The following STT3B variants were observed in gnomAD, a reference collection of about 807,000 sequenced individuals.
STT3B encodes the protein STT3 oligosaccharyltransferase complex catalytic subunit B, also known as dolichyl-diphosphooligosaccharide--protein glycosyltransferase subunit STT3B.
In STT3B, 29 loss-of-function variants were observed where a neutral mutation model predicts 96.8. The ratio of observed to expected loss-of-function variants is 0.30; its 90% CI spans 0.22 to 0.41. The LOEUF (loss-of-function observed/expected upper bound fraction) is 0.41, where lower values mean the gene tolerates loss of function less well. STT3B is among the 10% of genes least tolerant of loss of function. STT3B has a pLI of 1.00. For synonymous variants in STT3B, 367 were observed against 360.0 expected (o/e 1.02, Z -0.22); for missense variants, 640 against 1,022.3 (o/e 0.63, Z 5.10).
intron 15 of STT3B, among the ~76,000 whole-genome samples, chr3:31,633,474 C>A (rs114138564): frequency 4.9e-4 from 74 of 152,228 alleles, no homozygotes; most frequent in Middle Eastern, 3.4e-3. Flanking sequence ...AAATTCTCAT[C>A]TTTTGAGCAG....
chr3:31,620,710 T>C (rs542419037), intron 9 of STT3B, among the ~76,000 whole-genome samples: 22 of 152,374 alleles, frequency 1.4e-4, no homozygotes, highest in African/African-American at 5.3e-4. Context: ...TATGCTGTGG[T>C]TGTTTTGTAT....
chr3:31,611,767 G>A (rs1479493140), intron 5 of STT3B, among the ~76,000 whole-genome samples: 1 of 152,102 alleles, frequency 6.6e-6, no homozygotes, highest in African/African-American at 2.4e-5. Flanking sequence ...AAAGTGCTAG[G>A]ATTACAGGTG....
intron 13 of STT3B, among the ~76,000 whole-genome samples, chr3:31,628,683 G>A (rs769763752): frequency 1.3e-5 from 2 of 152,060 alleles, no homozygotes; most frequent in Non-Finnish European, 2.9e-5. Flanking sequence ...AAATAAAGCC[G>A]ATTTTAAAGT....
At chr3:31,598,204 G>A (rs1000099107) in intron 4 of STT3B, among the ~76,000 whole-genome samples, 9 of 152,136 alleles carry the variant, frequency 5.9e-5, no homozygotes, top group African/African-American at 1.7e-4. Flanking sequence ...TACTCAAAAA[G>A]AACAGGAAAT....
In STT3B at chr3:31,579,047, TAACTC is replaced by T. The variant is rs529034864; in HGVS notation, c.424-760_424-756del. Among the ~76,000 whole-genome samples the T allele has an allele frequency of 5.1e-3, 769 of 152,210 alleles. 7 individuals carry two copies. Among genetic ancestry groups the T allele is most frequent in the African/African-American group, 0.017 (686 of 41,554 alleles). On this transcript the variant is annotated intron_variant, in intron 2 of 15. Transcript: ENST00000295770. Reference sequence around the variant, plus strand: ...AATGCATGTTTTAGTCACTGAATAATAACTCAGGAAGAATGTCCTGTTCACTGTTC... The same window carrying T: ...AATGCATGTTTTAGTCACTGAATAATAGGAAGAATGTCCTGTTCACTGTTC...
chr3:31,616,943 C>T lies in STT3B; in HGVS notation c.991C>T (p.Leu331=). ...HMAAAGVFAL[L]QAYAFLQYLR... is the part of the protein sequence containing the mutation. ...TCTTTAATTAGGTGTCTTTGCATTG[C>T]TGCAAGCTTATGCTTTCTTGCAGTA... is the stretch of plus-strand genomic sequence containing the variant. The change falls in exon 7 of 16, where the codon CTG becomes TTG. Residue 331 remains leucine (L), a synonymous_variant. Coordinates refer to ENST00000295770, the MANE Select transcript of STT3B (RefSeq NM_178862.3). 6.2e-7 allele frequency: 1 copy of T among 1,607,166 alleles called. No homozygotes were observed. The highest frequency in any genetic ancestry group is 8.5e-7 in the Non-Finnish European group (1 of 1,175,074).
At chr3:31,591,837 G>C (rs943484698) in intron 3 of STT3B, among the ~76,000 whole-genome samples, 1 of 151,886 alleles carries the variant, frequency 6.6e-6, no homozygotes, top group South Asian at 2.1e-4. Context: ...CATGATCTGA[G>C]TTTCCATTTT....
chr3:31,556,850 C>T (rs770616746), intron 1 of STT3B, among the ~76,000 whole-genome samples: 7 of 152,160 alleles, frequency 4.6e-5, no homozygotes, highest in Non-Finnish European at 1.0e-4. Context: ...TGTCTTCACT[C>T]TGTTGATTAT....
intron 5 of STT3B, among the ~76,000 whole-genome samples, chr3:31,608,989 C>T (rs1699120897): frequency 6.6e-6 from 1 of 152,136 alleles, no homozygotes; most frequent in Non-Finnish European, 1.5e-5. Context: ...GTGGCATGCA[C>T]CTGTAGTCCC....
Position 31,533,064 on chromosome 3 carries a change from C to G in STT3B, c.66C>G (p.Gly22=). 1 of 1,567,188 alleles carries G rather than the reference C, an allele frequency of 6.4e-7. No individual in the cohort carries two copies. The highest frequency in any genetic ancestry group is 8.6e-7 in the Non-Finnish European group (1 of 1,159,802). The change falls in exon 1 of 16, where the codon GGC becomes GGG. Residue 22 remains glycine, a synonymous_variant. Coordinates refer to ENST00000295770, the MANE Select transcript of STT3B (RefSeq NM_178862.3). ...KSSLNSSPWS[G]LMALGNSRHG... ...CCCTCAACTCGTCCCCGTGGAGTGG[C>G]CTCATGGCCCTGGGAAACAGCCGGC...
At chr3:31,596,256 TATTA>T (rs1698791230) in intron 3 of STT3B, among the ~76,000 whole-genome samples, 1 of 152,218 alleles carries the variant, frequency 6.6e-6, no homozygotes, top group Non-Finnish European at 1.5e-5. Context: ...GAGAAAGAAG[TATTA>T]ATTATGATAA....
chr3:31,595,106 A>G (rs190282339), intron 3 of STT3B, among the ~76,000 whole-genome samples: 5 of 152,316 alleles, frequency 3.3e-5, no homozygotes, highest in East Asian at 1.9e-4. Flanking sequence ...AGCAAAGTCT[A>G]TCTGTTCAGA....
At chr3:31,621,132 A>G (rs191420530) in intron 9 of STT3B, among the ~76,000 whole-genome samples, 1 of 152,344 alleles carries the variant, frequency 6.6e-6, no homozygotes, top group East Asian at 1.9e-4. Flanking sequence ...AAATTTTTGT[A>G]TATCTGTAGT....
Position 31,619,694 on chromosome 3 carries a change from T to G in STT3B, c.1191T>G (p.Ile397Met). Reference sequence around the variant, plus strand: ...ATACCAGGTATGCAAAAATACACATTCCAATTATTGCATCAGTGTCTGAGC... The same window carrying G: ...ATACCAGGTATGCAAAAATACACATGCCAATTATTGCATCAGTGTCTGAGC... ...LWDTGYAKIH[I>M]PIIASVSEHQ... Residue 397 changes from isoleucine to methionine, a missense_variant, in exon 9 of 16, where the codon ATT (isoleucine) becomes ATG (methionine). Ile to Met is a conservative substitution (Grantham distance 10, BLOSUM62 1). Coordinates refer to ENST00000295770, the MANE Select transcript of STT3B (RefSeq NM_178862.3). 1.2e-6 allele frequency: 2 copies of G among 1,610,572 alleles called. No homozygotes were observed. Among genetic ancestry groups the G allele is most frequent in the East Asian group, 2.2e-5 (1 of 44,804 alleles).
chr3:31,580,844 T>G (rs1698368429), intron 3 of STT3B, among the ~76,000 whole-genome samples: 1 of 151,636 alleles, frequency 6.6e-6, no homozygotes, highest in Non-Finnish European at 1.5e-5. Context: ...CCCATTCAAG[T>G]GAAGATGATA....
intron 5 of STT3B, among the ~76,000 whole-genome samples, chr3:31,610,875 A>G (rs1246491230): frequency 6.6e-6 from 1 of 152,196 alleles, no homozygotes. Flanking sequence ...CCAGTAATGA[A>G]TGCCAGTAAC....
At chr3:31,581,182 G>A (rs1698375636) in intron 3 of STT3B, among the ~76,000 whole-genome samples, 1 of 152,054 alleles carries the variant, frequency 6.6e-6, no homozygotes, top group Non-Finnish European at 1.5e-5. Context: ...GTATAAAAAT[G>A]TGATAGATAA....
chr3:31,600,423 T>A lies in STT3B; in HGVS notation c.841T>A (p.Leu281Ile). ...NLIPLHVFVLLLMQRYSKRVY... is the reference protein window; with the variant it reads ...NLIPLHVFVLILMQRYSKRVY... ...TATTCCACTGCATGTATTTGTGTTG[T>A]TACTGATGCAGAGATACAGCAAAAG... The change falls in exon 5 of 16, where the codon TTA (leucine) becomes ATA (isoleucine). Residue 281 changes from leucine (L) to isoleucine (I), a missense_variant. By Grantham distance (5) the Leu-to-Ile change is conservative (BLOSUM62 2). Around this residue, in one of 8 missense-constraint regions of STT3B, gnomAD observed 267 missense variants for 388.3 expected, o/e 0.69. Transcript: ENST00000295770. 8 of 1,596,678 alleles carry A rather than the reference T, an allele frequency of 5.0e-6. No homozygotes were observed. Among genetic ancestry groups the A allele is most frequent in the Non-Finnish European group, 6.9e-6 (8 of 1,167,268 alleles).
chr3:31,574,195 G>C (rs974195534), intron 1 of STT3B, among the ~76,000 whole-genome samples: 2 of 152,144 alleles, frequency 1.3e-5, no homozygotes, highest in South Asian at 2.1e-4. Context: ...AGAAGTTTCG[G>C]GGGGGTGTTA....
Sources: gnomAD v4.1 joint callset for allele counts (sites outside exome capture counted in the v4.1 genomes callset) on GRCh38, gnomAD v4.1.1 for gene constraint, gnomAD v4.1.1 regional missense constraint, MANE v1.5 for transcripts, NCBI Gene and HGNC (gene_info 2026-07-23, HGNC 2026-07-21) for gene names.